Variants in TAF1A observed in about 807,000 individuals in gnomAD.
TAF1A encodes TATA box-binding protein-associated factor RNA polymerase I subunit A.
TAF1A carries 42 observed loss-of-function variants against 61.6 expected under a neutral mutation model. That is an observed-to-expected ratio of 0.68 (90% CI 0.53 to 0.88). The LOEUF (loss-of-function observed/expected upper bound fraction) is 0.88. Among genes scored for constraint, TAF1A ranks in the 40% least tolerant of loss-of-function variants. The pLI is 0.00. For missense variants in TAF1A, 424 were observed against 518.7 expected (o/e 0.82, Z 1.77); for synonymous variants, 179 against 177.7 (o/e 1.01, Z -0.06).
At chr1:222,585,683 GAAAAAGTTTTAATTCTTAA>G (rs555884874) in intron 2 of TAF1A, among the ~76,000 whole-genome samples, 69 of 146,686 alleles carry the variant, frequency 4.7e-4, no homozygotes, top group Non-Finnish European at 7.7e-4. Flanking sequence ...TCTCAACCTA[GAAAAAGTTTTAATTCTTAA>G]AACTTACAGG....
chr1:222,568,878 T>C (rs770523349), intron 7 of TAF1A: 1 of 152,302 alleles, frequency 6.6e-6, no homozygotes, highest in Non-Finnish European at 1.5e-5. Flanking sequence ...AGTGAATGTA[T>C]AAAAATGAAA....
chr1:222,580,577 C>G (rs890394291), intron 3 of TAF1A, among the ~76,000 whole-genome samples: 1 of 152,100 alleles, frequency 6.6e-6, no homozygotes, highest in African/African-American at 2.4e-5. Flanking sequence ...TGTGGATACA[C>G]ACACTATCAC....
intron 10 of TAF1A, among the ~76,000 whole-genome samples, chr1:222,559,724 G>A (rs1659836974): frequency 6.6e-6 from 1 of 151,890 alleles, no homozygotes; most frequent in Admixed American, 6.6e-5. Context: ...GGGACACAAA[G>A]TGGTTTCAAA....
chr1:222,581,906 A>G (rs1484666770), intron 3 of TAF1A, among the ~76,000 whole-genome samples: 1 of 152,236 alleles, frequency 6.6e-6, no homozygotes, highest in Admixed American at 6.5e-5. Flanking sequence ...GAAATGTTTC[A>G]GACTTGAAAT....
At chr1:222,569,311 C>G (rs1351437749) in intron 7 of TAF1A, 199 bp downstream of exon 7, 6 of 1,505,464 alleles carry the variant, frequency 4.0e-6, no homozygotes, top group Non-Finnish European at 5.3e-6. Context: ...TCTCCTCAGT[C>G]TCATCCGGGC....
chr1:222,584,599 C>G (rs1216986210), intron 2 of TAF1A, among the ~76,000 whole-genome samples: 5 of 152,160 alleles, frequency 3.3e-5, no homozygotes, highest in Non-Finnish European at 7.3e-5. Context: ...ATCTCTCAAA[C>G]AGGCCCCCAA....
chr1:222,554,832 T>C (rs1659708773), downstream of TAF1A, among the ~76,000 whole-genome samples: 2 of 152,130 alleles, frequency 1.3e-5, no homozygotes, highest in Non-Finnish European at 2.9e-5. Context: ...TTTCTTTTTA[T>C]GAGGGGAGGT....
At chr1:222,571,959 A>G (rs1255414343) in intron 5 of TAF1A, among the ~76,000 whole-genome samples, 1 of 152,134 alleles carries the variant, frequency 6.6e-6, no homozygotes, top group African/African-American at 2.4e-5. Flanking sequence ...GCTCACACCT[A>G]TAATCCCAGC....
At chr1:222,575,440 C>T (rs759470953) in intron 5 of TAF1A, among the ~76,000 whole-genome samples, 5 of 151,884 alleles carry the variant, frequency 3.3e-5, no homozygotes, top group African/African-American at 7.3e-5. Flanking sequence ...CCCAGGAGGT[C>T]GAGGCTGCAA....
chr1:222,582,856 G>A (rs1660839158), intron 3 of TAF1A, among the ~76,000 whole-genome samples: 1 of 152,128 alleles, frequency 6.6e-6, no homozygotes, highest in East Asian at 1.9e-4. Flanking sequence ...GCCACATATT[G>A]TACAAAACCA....
intron 4 of TAF1A, among the ~76,000 whole-genome samples, chr1:222,578,884 C>T (rs1571821035): frequency 6.6e-6 from 1 of 152,162 alleles, no homozygotes; most frequent in East Asian, 1.9e-4. Context: ...CTAATTATCA[C>T]TCTCAGACTC....
intron 7 of TAF1A, among the ~76,000 whole-genome samples, chr1:222,565,679 T>G (rs753574080): frequency 6.6e-6 from 1 of 152,024 alleles, no homozygotes. Flanking sequence ...CTGGGCAACA[T>G]AGCAAAACCC....
At chr1:222,578,232 A>G (rs1660648857) in intron 4 of TAF1A, among the ~76,000 whole-genome samples, 1 of 152,232 alleles carries the variant, frequency 6.6e-6, no homozygotes, top group African/African-American at 2.4e-5. Context: ...AATGAGTATT[A>G]CAAAAAGGGA....
At chr1:222,576,973 G>T (rs1263685129) in intron 5 of TAF1A, among the ~76,000 whole-genome samples, 1 of 152,112 alleles carries the variant, frequency 6.6e-6, no homozygotes, top group African/African-American at 2.4e-5. Context: ...ACAGCTCAAG[G>T]CCACATCCCC....
At chr1:222,570,765 G>A in intron 5 of TAF1A, 100 bp from the exon 6 acceptor site, 1 of 1,134,486 alleles carries the variant, frequency 8.8e-7, no homozygotes, top group Non-Finnish European at 1.2e-6. Context: ...CTCAGTTGCT[G>A]ATAGCTACAA....
At chr1:222,563,091 G>C in intron 9 of TAF1A, 82 bp downstream of exon 9, 1 of 1,291,892 alleles carries the variant, frequency 7.7e-7, no homozygotes, top group Non-Finnish European at 1.1e-6. Context: ...CATAAGCAAA[G>C]ATCTTTAAAA....
chr1:222,569,353 G>A, intron 7 of TAF1A, 157 bp downstream of exon 7: 1 of 1,540,584 alleles, frequency 6.5e-7, no homozygotes, highest in South Asian at 1.2e-5. Context: ...TACATACATG[G>A]AGATGGCAGC....
chr1:222,559,923 C>T (rs1178717257), intron 10 of TAF1A, among the ~76,000 whole-genome samples: 2 of 152,120 alleles, frequency 1.3e-5, no homozygotes, highest in African/African-American at 4.8e-5. Flanking sequence ...ATACTTTGCA[C>T]ACAGATTTTT....
Position 222,563,191 on chromosome 1 carries a change from A to G in TAF1A, c.1067T>C (p.Leu356Pro). 6.2e-7 allele frequency: 1 copy of G among 1,610,142 alleles called. No homozygotes were observed. The highest frequency in any genetic ancestry group is 1.1e-5 in the South Asian group (1 of 90,916). Residue 356 changes from leucine to proline, a missense_variant, in exon 9 of 11, where the codon CTG (leucine) becomes CCG (proline). Coordinates refer to ENST00000352967, the MANE Select transcript of TAF1A (RefSeq NM_005681.4). ...TTCTTACCCCATTAAGATATTTTTC[A>G]GATATTTTGCCAAGTATTTCCAAGC... ...ITAWKYLAKY[L>P]KNILMGNHLA...
Sources: allele counts gnomAD v4.1 joint callset (sites outside exome capture counted in the v4.1 genomes callset), GRCh38; gene constraint gnomAD v4.1.1; transcripts MANE v1.5; gene names NCBI Gene and HGNC (gene_info 2026-07-23, HGNC 2026-07-21).